Variants in PCNX4 observed in about 807,000 individuals in gnomAD.
The protein encoded by PCNX4 is pecanex 4, also known as pecanex-like protein 4.
PCNX4 carries 103 observed loss-of-function variants against 107.2 expected under a neutral mutation model. That is an observed-to-expected ratio of 0.96 (90% CI 0.82 to 1.13). The LOEUF (loss-of-function observed/expected upper bound fraction) is 1.13, where lower values mean the gene tolerates loss of function less well. PCNX4 is among the 50% of genes most tolerant of loss of function. PCNX4 has a pLI of 0.00. For missense variants in PCNX4, 1,528 were observed against 1,379.4 expected (o/e 1.11, Z -1.71); for synonymous variants, 541 against 481.7 (o/e 1.12, Z -1.61).
chr14:60,117,486 A>G (rs1392978172), intron 6 of PCNX4, among the ~76,000 whole-genome samples: 5 of 152,190 alleles, frequency 3.3e-5, no homozygotes, highest in African/African-American at 2.4e-5. Context: ...ACGCTCTATA[A>G]TATTCACTCA....
At chr14:60,102,794 A>G (rs1434472651) in intron 1 of PCNX4, among the ~76,000 whole-genome samples, 2 of 152,186 alleles carry the variant, frequency 1.3e-5, no homozygotes, top group Non-Finnish European at 2.9e-5. Context: ...CTATGTGCCA[A>G]ATTCTCACTT....
intron 1 of PCNX4, among the ~76,000 whole-genome samples, chr14:60,093,156 G>A (rs1314527505): frequency 6.6e-6 from 1 of 152,128 alleles, no homozygotes; most frequent in Non-Finnish European, 1.5e-5. Flanking sequence ...TTAAAGAGCT[G>A]CCTTCTAATT....
Position 60,125,000 on chromosome 14 carries a change from G to T in PCNX4, c.2829G>T (p.Arg943Ser), listed in dbSNP as rs149059751. Residue 943 changes from arginine (R) to serine (S), a missense_variant, in exon 9 of 11, where the codon AGG becomes AGT. Physicochemically the swap from Arg to Ser is moderately radical, Grantham distance 110. Transcript: ENST00000406854. ...AAGACTGGTACCAATTTGTTCTAAGGCAGTTGGAATGTTATCATTCAGAAG... is the reference window on the plus strand; with the variant it reads ...AAGACTGGTACCAATTTGTTCTAAGTCAGTTGGAATGTTATCATTCAGAAG... ...FPEDWYQFVL[R>S]QLECYHSEEK... 2 of 1,613,792 alleles carry T rather than the reference G, an allele frequency of 1.2e-6. No homozygotes were observed. Among genetic ancestry groups the T allele is most frequent in the Non-Finnish European group, 1.7e-6 (2 of 1,179,732 alleles).
rs1444589464 is a variant in PCNX4 at position 60,138,938 on chromosome 14, A to G, written c.*4717A>G. On this transcript the variant is annotated 3_prime_UTR_variant, in exon 11 of 11. Coordinates refer to ENST00000406854, the MANE Select transcript of PCNX4 (RefSeq NM_001330177.2). The stretch of plus-strand genomic sequence containing the variant: ...GAATTATCAGAAAGAAGATTAAAGT[A>G]TAAATAAGACTGCTGTGTCATCTAT... 1 of 152,150 alleles carries G rather than the reference A, an allele frequency of 6.6e-6. No homozygotes were observed. Among genetic ancestry groups the G allele is most frequent in the African/African-American group, 2.4e-5 (1 of 41,454 alleles). 9.4% of individuals were successfully genotyped at this position (152,150 alleles called of 1,614,324 possible). A position where few individuals can be genotyped will look rare whatever the true frequency, so the allele number is the denominator to read the frequency against.
rs373419660 is a variant in PCNX4, at chr14:60,121,335, T to C, written c.2046+36T>C. On this transcript the variant is annotated intron_variant, in intron 8 of 10. Coordinates refer to ENST00000406854, the MANE Select transcript of PCNX4 (RefSeq NM_001330177.2). ...ATATAAAACATCTGTAGTATTTTTATAGTTCATGTGTAAAATTTTACCTGT... is the reference window on the plus strand; with the variant it reads ...ATATAAAACATCTGTAGTATTTTTACAGTTCATGTGTAAAATTTTACCTGT... 1.9e-6 allele frequency: 3 copies of C among 1,592,080 alleles called. No homozygotes were observed. In the African/African-American group the frequency reaches 4.1e-5, roughly 22 times the overall value.
rs965157782 is a variant in PCNX4 at position 60,147,600 on chromosome 14, C to G, written c.*13379C>G. ...TGAGAAGGGGGAAAAAGCACAATAG[C>G]TAACACTTAGAACACTCCAAGTTGT... On this transcript the variant is annotated 3_prime_UTR_variant, in exon 11 of 11. Transcript: ENST00000406854. 1 of 152,166 alleles carries G rather than the reference C, an allele frequency of 6.6e-6. No individual in the cohort carries two copies. Among genetic ancestry groups the G allele is most frequent in the Non-Finnish European group, 1.5e-5 (1 of 68,036 alleles). 9.4% of individuals were successfully genotyped at this position (152,166 alleles called of 1,614,324 possible).
At chr14:60,127,992 T>A (rs1443014761) in intron 10 of PCNX4, among the ~76,000 whole-genome samples, 1 of 152,142 alleles carries the variant, frequency 6.6e-6, no homozygotes, top group East Asian at 1.9e-4. Context: ...AGATTTAAAC[T>A]GGCAGAAGAA....
Position 60,145,209 on chromosome 14 carries a change from A to G in PCNX4, c.*10988A>G. The G allele has an allele frequency of 2.2e-6, 1 of 446,196 alleles. No individual in the cohort carries two copies. Among genetic ancestry groups the G allele is most frequent in the Non-Finnish European group, 3.9e-6 (1 of 257,388 alleles). 27.6% of individuals were successfully genotyped at this position (446,196 alleles called of 1,614,324 possible). On this transcript the variant is annotated 3_prime_UTR_variant, in exon 11 of 11. Transcript: ENST00000406854. This position sits in a 1 kb window ranked among gnomAD's most constrained non-coding sequence, Gnocchi z 4.0. Reference sequence around the variant, plus strand: ...CTAGATGTACACAAAAGTACTTCTAATGAGTTTAGCATCATCTCTGGTTTA... The same window carrying G: ...CTAGATGTACACAAAAGTACTTCTAGTGAGTTTAGCATCATCTCTGGTTTA...
chr14:60,095,397 A>T (rs913935696), intron 1 of PCNX4, among the ~76,000 whole-genome samples: 1 of 152,198 alleles, frequency 6.6e-6, no homozygotes, highest in Non-Finnish European at 1.5e-5. Context: ...GTAAGCTGTC[A>T]ATTGACATTG....
At chr14:60,131,513 C>G (rs1171362115) in intron 10 of PCNX4, among the ~76,000 whole-genome samples, 3 of 152,072 alleles carry the variant, frequency 2.0e-5, no homozygotes, top group African/African-American at 4.8e-5. Flanking sequence ...AGTAGTAGTA[C>G]AAAGCTTACA....
chr14:60,092,107 T>G lies in PCNX4; in HGVS notation c.-366T>G, dbSNP rs1218446116. On this transcript the variant is annotated 5_prime_UTR_variant, in exon 1 of 11. Coordinates refer to ENST00000406854, the MANE Select transcript of PCNX4 (RefSeq NM_001330177.2). ...CTGCTTCCTCTAGGCCAAGCCTGCT[T>G]TACGGCAGGGCCCGCCTCGGGAGCG... The G allele has an allele frequency of 1.3e-5, 2 of 152,314 alleles. No individual in the cohort carries two copies. The highest frequency in any genetic ancestry group is 2.9e-5 in the Non-Finnish European group (2 of 68,082). 9.4% of individuals were successfully genotyped at this position (152,314 alleles called of 1,614,324 possible). A position where few individuals can be genotyped will look rare whatever the true frequency, so the allele number is the denominator to read the frequency against.
In PCNX4 at chr14:60,116,050, G is replaced by A. The variant is rs142098406; in HGVS notation, c.1568G>A (p.Arg523Lys). 6.7e-5 allele frequency: 108 copies of A among 1,606,146 alleles called. No individual in the cohort carries two copies. The East Asian group carries it at 2.2e-3, about 33-fold the overall frequency. ...WWNRSLDTGLRLLLVGIIRDR... is the reference protein window; with the variant it reads ...WWNRSLDTGLKLLLVGIIRDR... ...AACAGAAGCCTGGATACAGGACTCA[G>A]ACTCTTACTGGTAAGTGTGTCTTTT... The change falls in exon 6 of 11, where the codon AGA becomes AAA. Residue 523 changes from arginine (R) to lysine (K), a missense_variant. Coordinates refer to ENST00000406854, the MANE Select transcript of PCNX4 (RefSeq NM_001330177.2).
intron 10 of PCNX4, among the ~76,000 whole-genome samples, chr14:60,130,954 G>C (rs928808874): frequency 6.6e-6 from 1 of 152,118 alleles, no homozygotes; most frequent in African/African-American, 2.4e-5. Flanking sequence ...ATTAGGCTTA[G>C]ATGAGATCGT....
chr14:60,107,714 G>C lies in PCNX4; in HGVS notation c.76G>C (p.Gly26Arg). Residue 26 changes from glycine (G) to arginine (R), a missense_variant, in exon 2 of 11, where the codon GGA becomes CGA. Transcript: ENST00000406854. ...FLKRFPQTVL[G>R]GPRFKLGYCA... ...GAAGCGCTTTCCACAGACTGTTCTT[G>C]GAGGCCCTCGATTCAAATTAGGCTA... 2 of 1,612,748 alleles carry C rather than the reference G, an allele frequency of 1.2e-6. No individual in the cohort carries two copies. The highest frequency in any genetic ancestry group is 1.7e-6 in the Non-Finnish European group (2 of 1,179,830).
intron 10 of PCNX4, among the ~76,000 whole-genome samples, chr14:60,130,559 C>G (rs1896136247): frequency 6.6e-6 from 1 of 152,014 alleles, no homozygotes; most frequent in African/African-American, 2.4e-5. Context: ...AAACATTGTA[C>G]TAGAACTTCT....
chr14:60,110,912 A>G (rs994924625), intron 2 of PCNX4: 1 of 167,030 alleles, frequency 6.0e-6, no homozygotes, highest in Non-Finnish European at 1.5e-5. Context: ...ATGTGTTGGT[A>G]TTTGGAGATG....
chr14:60,092,302 C>T lies in PCNX4; in HGVS notation c.-171C>T, dbSNP rs975268859. The T allele has an allele frequency of 6.6e-6, 1 of 152,292 alleles. No individual in the cohort carries two copies. Among genetic ancestry groups the T allele is most frequent in the Non-Finnish European group, 1.5e-5 (1 of 68,064 alleles). The allele number at this position is 152,292 out of a possible 1,614,324, so 9.4% of individuals were successfully genotyped here. On this transcript the variant is annotated 5_prime_UTR_variant, in exon 1 of 11. Coordinates refer to ENST00000406854, the MANE Select transcript of PCNX4 (RefSeq NM_001330177.2). ...TCGTTATTCGGCCGCCGCAGCTTTT[C>T]TGCCTCCGCATTCGGGCACTAACCA...
intron 1 of PCNX4, among the ~76,000 whole-genome samples, chr14:60,097,049 G>A (rs1458835577): frequency 1.9e-5 from 1 of 53,940 alleles, no homozygotes; most frequent in Middle Eastern, 7.9e-3. Flanking sequence ...ATTTTCTACA[G>A]TTTAAATTCT....
At chr14:60,119,873 A>G (rs1050880729) in intron 7 of PCNX4, among the ~76,000 whole-genome samples, 3 of 152,220 alleles carry the variant, frequency 2.0e-5, no homozygotes, top group East Asian at 3.8e-4. Context: ...TGGCTAGGGC[A>G]TGGGGAACAA....
Sources: allele counts gnomAD v4.1 joint callset (sites outside exome capture counted in the v4.1 genomes callset), GRCh38; gene constraint gnomAD v4.1.1; non-coding constraint Gnocchi (gnomAD v3.1); transcripts MANE v1.5; gene names NCBI Gene and HGNC (gene_info 2026-07-23, HGNC 2026-07-21).